TACC3: variants seen among roughly 807,000 people sequenced by gnomAD.
TACC3 encodes transforming acidic coiled-coil containing protein 3.
In TACC3, 52 loss-of-function variants were observed where a neutral mutation model predicts 86.0. The observed-to-expected ratio is 0.60, with a 90% CI of 0.48 to 0.76. The LOEUF (loss-of-function observed/expected upper bound fraction) is 0.76. TACC3 is among the 30% of genes least tolerant of loss of function. The pLI, the probability that TACC3 is intolerant of heterozygous loss-of-function variation, is 0.00. For synonymous variants in TACC3, 512 were observed against 430.0 expected (o/e 1.19, Z -2.36); for missense variants, 1,120 against 1,070.4 (o/e 1.05, Z -0.65).
At chr4:1,731,123 C>T in intron 5 of TACC3, 49 bp from the exon 6 acceptor site, 1 of 1,607,086 alleles carries the variant, frequency 6.2e-7, no homozygotes, top group Non-Finnish European at 8.5e-7. Flanking sequence ...AAGCCACACC[C>T]CAAGTACCTT....
Position 1,737,675 on chromosome 4 carries a change from G to A in TACC3, c.1914G>A (p.Gln638=), listed in dbSNP as rs533587358. Residue 638 remains glutamine, a synonymous_variant, in exon 10 of 16, where the codon CAG becomes CAA. Coordinates refer to ENST00000313288, the MANE Select transcript of TACC3 (RefSeq NM_006342.3). Reference sequence around the variant, plus strand: ...CCGGACCTATAGTGGACCTGCTCCAGTACAGCCAGAAGGACCTGGATGCAG... The same window carrying A: ...CCGGACCTATAGTGGACCTGCTCCAATACAGCCAGAAGGACCTGGATGCAG... ...LSTGPIVDLL[Q]YSQKDLDAVV... 1.5e-5 allele frequency: 24 copies of A among 1,550,950 alleles called. No individual in the cohort carries two copies. In the East Asian group the frequency reaches 4.6e-4, roughly 30 times the overall value.
At chr4:1,743,011 C>T (rs1038347171) in intron 13 of TACC3, among the ~76,000 whole-genome samples, 1 of 152,112 alleles carries the variant, frequency 6.6e-6, no homozygotes, top group African/African-American at 2.4e-5. Flanking sequence ...TGCCTGTAAT[C>T]CCAGCACTTT....
At chr4:1,736,680 G>C (rs574926898) in intron 8 of TACC3, among the ~76,000 whole-genome samples, 1 of 151,968 alleles carries the variant, frequency 6.6e-6, no homozygotes, top group African/African-American at 2.4e-5. Flanking sequence ...AGGCTGAGGC[G>C]GGTGGATCGC....
chr4:1,744,454 A>C (rs1577228761), intron 13 of TACC3, 64 bp from the exon 14 acceptor site: 1 of 1,483,730 alleles, frequency 6.7e-7, no homozygotes, highest in Non-Finnish European at 9.3e-7. Flanking sequence ...GTCCCCAGAC[A>C]CCAAGCCTGG....
chr4:1,744,298 C>G, intron 13 of TACC3: 1 of 552,814 alleles, frequency 1.8e-6, no homozygotes, highest in African/African-American at 1.9e-5. Flanking sequence ...CAGGTTCAGG[C>G]CCGGCATCTC....
At chr4:1,732,707 G>T (rs552121012) in intron 6 of TACC3, among the ~76,000 whole-genome samples, 1 of 152,216 alleles carries the variant, frequency 6.6e-6, no homozygotes, top group Non-Finnish European at 1.5e-5. Context: ...AGGATCCCTG[G>T]AATCACACAG....
rs1210705922 is a variant in TACC3 at position 1,740,874 on chromosome 4, T to A, written c.2111T>A (p.Val704Asp). Residue 704 changes from valine (V) to aspartate (D), a missense_variant, in exon 13 of 16, where the codon GTT becomes GAT. Transcript: ENST00000313288. Reference protein sequence around the residue: ...KELSKAEIQKVLKEKDQLTTD... With the variant: ...KELSKAEIQKDLKEKDQLTTD... ...CTTTCCAAAGCTGAAATCCAGAAAGTTCTAAAAGAAAAAGACCAACTTACC... is the reference window on the plus strand; with the variant it reads ...CTTTCCAAAGCTGAAATCCAGAAAGATCTAAAAGAAAAAGACCAACTTACC... The A allele has an allele frequency of 1.2e-6, 2 of 1,612,860 alleles. No individual in the cohort carries two copies. The highest frequency in any genetic ancestry group is 2.7e-5 in the African/African-American group (2 of 74,954).
chr4:1,740,510 G>A (rs987878229), intron 12 of TACC3: 18 of 331,748 alleles, frequency 5.4e-5, no homozygotes, highest in East Asian at 4.3e-4. Flanking sequence ...GAAGCACGAC[G>A]CACATCCTGG....
chr4:1,723,247 A>T lies in TACC3; in HGVS notation c.-1-174A>T. On this transcript the variant is annotated intron_variant, in intron 1 of 15. Transcript: ENST00000313288. ...AGTGAGTCTCTGAAGCAAGATGGGG[A>T]CTCAGTCTGAGGCTTTCTCTGCCAA... 6.1e-6 allele frequency: 4 copies of T among 653,628 alleles called. 1 individual carries two copies. The highest frequency in any genetic ancestry group is 4.0e-5 in the South Asian group (2 of 49,746). The allele number at this position is 653,628 out of a possible 1,614,324, so 40.5% of individuals were successfully genotyped here.
At chr4:1,738,103 C>T (rs867274186) in intron 10 of TACC3, 3 of 354,566 alleles carry the variant, frequency 8.5e-6, no homozygotes, top group South Asian at 2.1e-5. Context: ...CACCCCACAT[C>T]TGAGGGTCCC....
chr4:1,726,729 G>A (rs536701437), intron 3 of TACC3, among the ~76,000 whole-genome samples: 1 of 152,346 alleles, frequency 6.6e-6, no homozygotes, highest in Admixed American at 6.5e-5. Flanking sequence ...AGGCCCTGGA[G>A]CATAGGCAGG....
chr4:1,729,162 C>T (rs1717876799), intron 4 of TACC3, among the ~76,000 whole-genome samples: 1 of 152,094 alleles, frequency 6.6e-6, no homozygotes, highest in African/African-American at 2.4e-5. Context: ...GCCTGGGTGG[C>T]GTCCGCTGCT....
chr4:1,730,681 C>A (rs770347265), intron 4 of TACC3: 1 of 710,442 alleles, frequency 1.4e-6, no homozygotes, highest in Non-Finnish European at 2.6e-6. Context: ...GCAGGCAAGG[C>A]GCGTGTTTTC....
intron 6 of TACC3, among the ~76,000 whole-genome samples, chr4:1,731,561 C>T (rs1050839444): frequency 3.9e-5 from 6 of 152,146 alleles, no homozygotes; most frequent in Non-Finnish European, 2.9e-5. Flanking sequence ...GAGAGGTGAA[C>T]AATGCAGTGC....
rs1717865640 is a variant in TACC3, at chr4:1,728,992, T to C, written c.1385+205T>C. Among the ~76,000 whole-genome samples, 3 of 152,224 alleles carry C rather than the reference T, an allele frequency of 2.0e-5. No homozygotes were observed. In the South Asian group the frequency reaches 6.2e-4, roughly 32 times the overall value. On this transcript the variant is annotated intron_variant, in intron 4 of 15. Coordinates refer to ENST00000313288, the MANE Select transcript of TACC3 (RefSeq NM_006342.3). The stretch of plus-strand genomic sequence containing the variant: ...CCTTGCCTTGGCTGCCATGCATCTC[T>C]TTAGTGCTCCTGGCCTAAGGAGGGA...
In TACC3 at chr4:1,727,933, C is replaced by T. The variant is rs1063742; in HGVS notation, c.531C>T (p.Ser177=). ...TGTCTCCAGGAAAAGTGTCTGGCAG[C>T]CCTGAGCAAGCCGTGGAGGAAAACC... The part of the protein sequence containing the change: ...QMVSPGKVSG[S]PEQAVEENLS... Residue 177 remains serine (S), a synonymous_variant, in exon 4 of 16, where the codon AGC becomes AGT. Transcript: ENST00000313288. 384,681 of 1,613,734 alleles carry T rather than the reference C, an allele frequency of 0.24. 47,539 individuals are homozygous for T. Among genetic ancestry groups the T allele is most frequent in the Non-Finnish European group, 0.26 (305,805 of 1,179,976 alleles).
intron 13 of TACC3, among the ~76,000 whole-genome samples, chr4:1,744,003 C>G (rs1443762769): frequency 6.6e-6 from 1 of 152,072 alleles, no homozygotes; most frequent in Non-Finnish European, 1.5e-5. Context: ...CTGAGCCTTC[C>G]CAAGCAGAGG....
intron 3 of TACC3, among the ~76,000 whole-genome samples, chr4:1,724,441 A>C (rs1471774200): frequency 8.8e-6 from 1 of 113,976 alleles, no homozygotes; most frequent in African/African-American, 3.5e-5. Context: ...CCCAGGCTGG[A>C]GTGCAGTGGC....
chr4:1,736,422 C>CAAAAAAAA (rs1164866581), intron 8 of TACC3, among the ~76,000 whole-genome samples: 6 of 65,816 alleles, frequency 9.1e-5, no homozygotes, highest in South Asian at 8.5e-4. Context: ...GACTCCATCT[C>CAAAAAAAA]AAAAAAAAAA....
Sources: gnomAD v4.1 joint callset for allele counts (sites outside exome capture counted in the v4.1 genomes callset) on GRCh38, gnomAD v4.1.1 for gene constraint, MANE v1.5 for transcripts, NCBI Gene and HGNC (gene_info 2026-07-23, HGNC 2026-07-21) for gene names.